TNIK: variants seen among roughly 807,000 people sequenced by gnomAD.
TNIK encodes the protein TRAF2 and NCK-interacting protein kinase.
Under a neutral mutation model 191.3 loss-of-function variants are expected in TNIK, and 49 were observed. The observed-to-expected ratio is 0.26, with a 90% CI of 0.20 to 0.32. TNIK has a LOEUF of 0.32. Among genes scored for constraint, TNIK ranks in the 10% least tolerant of loss-of-function variants. The pLI, the probability that TNIK is intolerant of heterozygous loss-of-function variation, is 1.00. For synonymous variants in TNIK, 594 were observed against 600.9 expected (o/e 0.99, Z 0.17); for missense variants, 1,155 against 1,702.3 (o/e 0.68, Z 5.66).
chr3:171,215,479 T>C (rs1435566412), intron 3 of TNIK, among the ~76,000 whole-genome samples: 1 of 152,164 alleles, frequency 6.6e-6, no homozygotes, highest in Non-Finnish European at 1.5e-5. Context: ...CACTCATACT[T>C]TAAATGTTAA....
At chr3:171,379,881 C>G (rs919093791) in intron 1 of TNIK, among the ~76,000 whole-genome samples, 1 of 152,016 alleles carries the variant, frequency 6.6e-6, no homozygotes, top group East Asian at 1.9e-4. Context: ...TGGTGGTACA[C>G]GCCTATAATC....
rs147804741 is a variant in TNIK at position 171,237,840 on chromosome 3, C to A, written c.124-9619G>T. Among the ~76,000 whole-genome samples, 442 of 152,208 alleles carry A rather than the reference C, an allele frequency of 2.9e-3. 3 individuals are homozygous for A. Among genetic ancestry groups the A allele is most frequent in the Middle Eastern group, 0.017 (5 of 294 alleles). On this transcript the variant is annotated intron_variant, in intron 2 of 32. Coordinates refer to ENST00000436636, the MANE Select transcript of TNIK (RefSeq NM_015028.4). ...TGCCGAGGTGGGAGGATCACTTGAGCCCAGGAGTTTGAGGCTGCAGTATGC... is the reference window on the plus strand; with the variant it reads ...TGCCGAGGTGGGAGGATCACTTGAGACCAGGAGTTTGAGGCTGCAGTATGC...
At chr3:171,315,254 CG>C (rs1205120869) in intron 2 of TNIK, among the ~76,000 whole-genome samples, 1 of 152,148 alleles carries the variant, frequency 6.6e-6, no homozygotes, top group Non-Finnish European at 1.5e-5. Flanking sequence ...GACAACCACA[CG>C]GGCCATTATT....
rs148964959 is a variant in TNIK, at chr3:171,395,094, A to G, written c.58-25409T>C. On this transcript the variant is annotated intron_variant, in intron 1 of 32. Transcript: ENST00000436636. ...AAAGAAAAAACGATTGAGATTCTCA[A>G]CTGGGGAAAAGACATGATATTTTTA... 6.8e-4 allele frequency among the ~76,000 whole-genome samples: 104 copies of G among 152,326 alleles called. No individual in the cohort carries two copies. The East Asian group carries it at 0.014, about 21-fold the overall frequency.
chr3:171,108,620 G>C (rs1725345765), intron 19 of TNIK, among the ~76,000 whole-genome samples: 1 of 152,168 alleles, frequency 6.6e-6, no homozygotes, highest in South Asian at 2.1e-4. Flanking sequence ...CAGTCACTAT[G>C]CTAAATGAGC....
rs1484088186 is a variant in TNIK, at chr3:171,058,579, C to T, written c.*5302G>A. On this transcript the variant is annotated 3_prime_UTR_variant, in exon 33 of 33. Coordinates refer to ENST00000436636, the MANE Select transcript of TNIK (RefSeq NM_015028.4). ...TTTTTGTATGCAAGAAAAAAAATAC[C>T]TGAAAGTAACCAAAAGTTTCAGACT... is the stretch of plus-strand genomic sequence containing the variant. 6.6e-6 allele frequency among the ~76,000 whole-genome samples: 1 copy of T among 152,056 alleles called. No homozygotes were observed. The highest frequency in any genetic ancestry group is 2.4e-5 in the African/African-American group (1 of 41,380).
intron 2 of TNIK, among the ~76,000 whole-genome samples, chr3:171,327,064 G>A (rs1755851079): frequency 6.6e-6 from 1 of 152,156 alleles, no homozygotes; most frequent in South Asian, 2.1e-4. Context: ...CAAAAGCTAA[G>A]CTATCCCTGG....
intron 2 of TNIK, among the ~76,000 whole-genome samples, chr3:171,274,806 A>G (rs564504782): frequency 2.0e-4 from 30 of 152,332 alleles, no homozygotes; most frequent in Admixed American, 1.4e-3. Context: ...AGGAGGTCCA[A>G]ATAAGCCTCT....
intron 12 of TNIK, among the ~76,000 whole-genome samples, chr3:171,147,028 G>A (rs967731102): frequency 1.3e-5 from 2 of 152,148 alleles, no homozygotes; most frequent in African/African-American, 4.8e-5. Context: ...GTCTGAGCAA[G>A]GTTATGCTAC....
chr3:171,375,875 A>G (rs1717144575), intron 1 of TNIK, among the ~76,000 whole-genome samples: 1 of 152,174 alleles, frequency 6.6e-6, no homozygotes, highest in South Asian at 2.1e-4. Flanking sequence ...CCCCTCCTCC[A>G]AAACGCCTCT....
At position 171,460,155 on chromosome 3, in the gene TNIK, G is replaced by T; in HGVS notation, c.-92C>A. 6.7e-7 allele frequency: 1 copy of T among 1,493,476 alleles called. No individual in the cohort carries two copies. The allele number at this position is 1,493,476 out of a possible 1,614,324, so 92.5% of individuals were successfully genotyped here. A position where few individuals can be genotyped will look rare whatever the true frequency, so the allele number is the denominator to read the frequency against. ...TGGTCTATTTCACTCGCGTCCTCAT[G>T]CGGGTGTCGCGCCAGAGGCCCCGGG... is the stretch of plus-strand genomic sequence containing the variant. On this transcript the variant is annotated 5_prime_UTR_variant, in exon 1 of 33. Transcript: ENST00000436636. The surrounding 1 kb of genome is among the most constrained non-coding windows in gnomAD (Gnocchi z 6.8).
In TNIK at chr3:171,128,649, C is replaced by G. The variant is rs1728809456; in HGVS notation, c.1773+65G>C. Reference sequence around the variant, plus strand: ...TGAATCCATGTTACAATTCCCTAGGCTTTTAATAATAGGTTTTCTTGTGCA... The same window carrying G: ...TGAATCCATGTTACAATTCCCTAGGGTTTTAATAATAGGTTTTCTTGTGCA... On this transcript the variant is annotated intron_variant, in intron 16 of 32. Coordinates refer to ENST00000436636, the MANE Select transcript of TNIK (RefSeq NM_015028.4). 73 of 1,522,470 alleles carry G rather than the reference C, an allele frequency of 4.8e-5. No individual in the cohort carries two copies. The South Asian group carries it at 8.9e-4, about 19-fold the overall frequency. 94.3% of individuals were successfully genotyped at this position (1,522,470 alleles called of 1,614,324 possible).
intron 4 of TNIK, among the ~76,000 whole-genome samples, chr3:171,194,887 G>A (rs529066370): frequency 6.6e-6 from 1 of 152,154 alleles, no homozygotes; most frequent in South Asian, 2.1e-4. Flanking sequence ...CATATTCTAA[G>A]TATTTTTTTT....
intron 2 of TNIK, among the ~76,000 whole-genome samples, chr3:171,291,536 CA>C (rs1751686303): frequency 6.6e-6 from 1 of 152,146 alleles, no homozygotes; most frequent in South Asian, 2.1e-4. Flanking sequence ...TGCATTCCCC[CA>C]AACCTTCTAG....
chr3:171,361,226 A>G (rs1396894894), intron 2 of TNIK, among the ~76,000 whole-genome samples: 2 of 152,226 alleles, frequency 1.3e-5, no homozygotes, highest in African/African-American at 2.4e-5. Flanking sequence ...TCAAATTTTT[A>G]AAGAAAGGCC....
chr3:171,092,238 G>A (rs2133598), intron 23 of TNIK, among the ~76,000 whole-genome samples: 15,010 of 152,000 alleles, frequency 0.099, 833 homozygotes, highest in Middle Eastern at 0.16. Context: ...ACGAGCCACC[G>A]CGCCCGGCTG....
At chr3:171,394,431 T>G (rs1362596793) in intron 1 of TNIK, among the ~76,000 whole-genome samples, 3 of 152,218 alleles carry the variant, frequency 2.0e-5, no homozygotes, top group African/African-American at 7.2e-5. Context: ...CAGCCTCCTA[T>G]GCTTTATTAT....
At chr3:171,161,440 A>T in intron 10 of TNIK, 104 bp from the exon 11 acceptor site, 1 of 963,280 alleles carries the variant, frequency 1.0e-6, no homozygotes, top group East Asian at 2.6e-5. Flanking sequence ...AAAGAGTTGT[A>T]GTTAACACAG....
At chr3:171,255,807 T>C (rs1746780433) in intron 2 of TNIK, among the ~76,000 whole-genome samples, 1 of 152,172 alleles carries the variant, frequency 6.6e-6, no homozygotes, top group Admixed American at 6.5e-5. Context: ...AACATTCTTC[T>C]GTTTGGAAGG....
Sources: allele counts gnomAD v4.1 joint callset (sites outside exome capture counted in the v4.1 genomes callset), GRCh38; gene constraint gnomAD v4.1.1; non-coding constraint Gnocchi (gnomAD v3.1); transcripts MANE v1.5; gene names NCBI Gene and HGNC (gene_info 2026-07-23, HGNC 2026-07-21).